The following PVT1 variants were observed in gnomAD, a reference collection of about 807,000 sequenced individuals.
PVT1 encodes the protein CXCR4/PVT1 fusion.
intron 4 of PVT1, among the ~76,000 whole-genome samples, chr8:128,053,828 T>C (rs1499374): frequency 0.37 from 55,832 of 152,058 alleles, 10,858 homozygotes; most frequent in Middle Eastern, 0.5. Context: ...ACCAGAAGGG[T>C]TGGGGCAAGG....
intron 2 of PVT1, among the ~76,000 whole-genome samples, chr8:127,875,075 G>A (rs1315086449): frequency 6.6e-6 from 1 of 152,200 alleles, no homozygotes; most frequent in Non-Finnish European, 1.5e-5. Context: ...ATGATGAGAA[G>A]TGTCATTGCT....
At chr8:128,087,036 C>T (rs2130161433) in intron 5 of PVT1, among the ~76,000 whole-genome samples, 1 of 152,338 alleles carries the variant, frequency 6.6e-6, no homozygotes, top group East Asian at 1.9e-4. Flanking sequence ...GCTTAGGTTG[C>T]ACGATCAGTG....
At position 128,030,154 on chromosome 8, in the gene PVT1, G is replaced by A. The variant is rs139166110; in HGVS notation, n.913-40006G>A. ...AAAAAAACCTTTTTATCCTACCAAC[G>A]TATATACTCATGTGTGCACATGTAC... On this transcript the variant is annotated intron_variant and non_coding_transcript_variant, in intron 4 of 10. Transcript: ENST00000651587. Among the ~76,000 whole-genome samples, 44 of 152,086 alleles carry A rather than the reference G, an allele frequency of 2.9e-4. No homozygotes were observed. In the East Asian group the frequency reaches 6.8e-3, roughly 23 times the overall value.
chr8:128,095,931 C>T (rs567597615), intron 5 of PVT1, among the ~76,000 whole-genome samples: 2 of 152,312 alleles, frequency 1.3e-5, no homozygotes, highest in South Asian at 2.1e-4. Flanking sequence ...CCCTCCAGAT[C>T]TCATATGTAA....
intron 5 of PVT1, among the ~76,000 whole-genome samples, chr8:128,077,580 A>G (rs750476526): frequency 1.3e-5 from 2 of 152,212 alleles, no homozygotes; most frequent in Non-Finnish European, 2.9e-5. Flanking sequence ...ACCAAGATAA[A>G]CCAAAAAGGC....
chr8:127,829,602 A>G (rs1209818488), intron 2 of PVT1, among the ~76,000 whole-genome samples: 1 of 152,212 alleles, frequency 6.6e-6, no homozygotes, highest in African/African-American at 2.4e-5. Flanking sequence ...AAGTTGAATG[A>G]GTTTTACATT....
chr8:127,843,530 C>A (rs1187416038), intron 2 of PVT1, among the ~76,000 whole-genome samples: 1 of 151,938 alleles, frequency 6.6e-6, no homozygotes, highest in Admixed American at 6.5e-5. Flanking sequence ...GTAAGCTCCG[C>A]TTCCCGGGTT....
At chr8:127,814,290 C>A (rs1478365271) in intron 2 of PVT1, among the ~76,000 whole-genome samples, 1 of 152,200 alleles carries the variant, frequency 6.6e-6, no homozygotes, top group East Asian at 1.9e-4. Flanking sequence ...ACACCTGGGC[C>A]ATATCTGGGT....
At chr8:128,091,709 T>G (rs1814355870) in intron 5 of PVT1, among the ~76,000 whole-genome samples, 2 of 152,242 alleles carry the variant, frequency 1.3e-5, no homozygotes, top group Non-Finnish European at 2.9e-5. Flanking sequence ...CTTATCAGGA[T>G]AATATACAGT....
At chr8:127,866,284 C>T (rs996930788) in intron 2 of PVT1, among the ~76,000 whole-genome samples, 1 of 152,172 alleles carries the variant, frequency 6.6e-6, no homozygotes, top group African/African-American at 2.4e-5. Context: ...GCTGATGGGA[C>T]CCTCGTGAGC....
chr8:128,063,540 T>C (rs1200712379), intron 4 of PVT1, among the ~76,000 whole-genome samples: 2 of 151,746 alleles, frequency 1.3e-5, no homozygotes, highest in African/African-American at 4.8e-5. Flanking sequence ...TTTTGAGATT[T>C]ATGTGTGTGC....
intron 3 of PVT1, chr8:127,984,246 CT>C (rs1447946255): frequency 3.9e-5 from 6 of 152,192 alleles, no homozygotes; most frequent in African/African-American, 1.4e-4. Flanking sequence ...TGGGTTGAGA[CT>C]GTTATTTTTG....
chr8:127,984,927 C>CTT lies in PVT1; in HGVS notation n.783-4234_783-4233insTT, dbSNP rs1816941683. On this transcript the variant is annotated intron_variant and non_coding_transcript_variant, in intron 3 of 10. Transcript: ENST00000651587. ...TTTCTTTCTTTCTTTCTTTCTCTTT[C>CTT]TCTTTCTTTCTTTCTTTCCCCTTCC... Among the ~76,000 whole-genome samples, 16 of 120,748 alleles carry CTT rather than the reference C, an allele frequency of 1.3e-4. No individual in the cohort carries two copies. In the East Asian group the frequency reaches 2.2e-3, roughly 17 times the overall value. 79.2% of individuals were successfully genotyped at this position (120,748 alleles called of 152,430 possible).
At chr8:127,909,538 G>A (rs1168785890) in intron 3 of PVT1, among the ~76,000 whole-genome samples, 1 of 152,238 alleles carries the variant, frequency 6.6e-6, no homozygotes, top group Non-Finnish European at 1.5e-5. Flanking sequence ...AGGATCAGTT[G>A]AAATAGTGCA....
At chr8:127,960,583 C>A in intron 3 of PVT1, 1 of 446,182 alleles carries the variant, frequency 2.2e-6, no homozygotes. Context: ...GGATGCACCA[C>A]GATAGGGAAA....
chr8:127,895,683 G>A (rs1815666254), intron 3 of PVT1, among the ~76,000 whole-genome samples: 2 of 152,098 alleles, frequency 1.3e-5, no homozygotes, highest in Non-Finnish European at 2.9e-5. Context: ...TTGAAGATGA[G>A]TGAGTTACTA....
At chr8:128,040,118 A>C (rs1813513530) in intron 4 of PVT1, among the ~76,000 whole-genome samples, 1 of 152,178 alleles carries the variant, frequency 6.6e-6, no homozygotes, top group Admixed American at 6.5e-5. Context: ...ACAGATCCAG[A>C]GTGTCCACTT....
At chr8:127,810,320 G>A (rs1006159392) in intron 2 of PVT1, among the ~76,000 whole-genome samples, 2 of 152,256 alleles carry the variant, frequency 1.3e-5, no homozygotes, top group Non-Finnish European at 2.9e-5. Context: ...AAGCCAAGGA[G>A]CATCCTGCAC....
At chr8:128,051,191 A>G (rs1322146356) in intron 4 of PVT1, among the ~76,000 whole-genome samples, 1 of 152,252 alleles carries the variant, frequency 6.6e-6, no homozygotes, top group Non-Finnish European at 1.5e-5. Context: ...GATGCATAAA[A>G]TGAAGATTCT....
Sources: allele counts gnomAD v4.1 joint callset (sites outside exome capture counted in the v4.1 genomes callset), GRCh38; gene constraint gnomAD v4.1.1; transcripts MANE v1.5; gene names NCBI Gene and HGNC (gene_info 2026-07-23, HGNC 2026-07-21).